The following SV2C variants were observed in gnomAD, a reference collection of about 807,000 sequenced individuals.
The protein encoded by SV2C is solute carrier family 22 member B3.
SV2C carries 49 observed loss-of-function variants against 79.7 expected under a neutral mutation model. That is an observed-to-expected ratio of 0.61 (90% confidence interval 0.49 to 0.78). The LOEUF (loss-of-function observed/expected upper bound fraction) is 0.78, where lower values mean the gene tolerates loss of function less well. Among genes scored for constraint, SV2C ranks in the 30% least tolerant of loss-of-function variants. SV2C has a pLI of 0.00. For synonymous variants in SV2C, 334 were observed against 333.2 expected, an observed-to-expected ratio of 1.00 and a Z score of -0.03; for missense variants, 833 against 912.9, an observed-to-expected ratio of 0.91 and a Z score of 1.13.
intron 4 of SV2C, among the ~76,000 whole-genome samples, chr5:76,252,439 A>G (rs1322777494): frequency 2.6e-5 from 4 of 152,032 alleles, no homozygotes; most frequent in African/African-American, 9.7e-5. Flanking sequence ...TACATTTAAG[A>G]AAGTCAATTT....
intron 12 of SV2C, among the ~76,000 whole-genome samples, chr5:76,320,445 C>T (rs1383526656): frequency 4.6e-5 from 7 of 152,096 alleles, no homozygotes; most frequent in East Asian, 1.9e-4. Context: ...CTAATAACAA[C>T]GTGTCAATAT....
chr5:75,854,762 C>T, the SV2C span, among the ~76,000 whole-genome samples: 1 of 152,224 alleles, frequency 6.6e-6, no homozygotes, highest in Non-Finnish European at 1.5e-5. Flanking sequence ...GTGCCTATTG[C>T]ATCCTAAGAA....
intron 2 of SV2C, among the ~76,000 whole-genome samples, chr5:76,148,858 A>G (rs7716284): frequency 0.41 from 62,190 of 151,944 alleles, 13,234 homozygotes; most frequent in Middle Eastern, 0.5. Context: ...TGGAGGGTTC[A>G]GGTCACATCT....
the SV2C span, among the ~76,000 whole-genome samples, chr5:75,868,329 C>A: frequency 1.3e-5 from 2 of 152,078 alleles, no homozygotes; most frequent in African/African-American, 4.8e-5. Flanking sequence ...TCCCACTGAC[C>A]ATTTATGAAG....
chr5:75,955,885 G>C, the SV2C span, among the ~76,000 whole-genome samples: 1 of 152,108 alleles, frequency 6.6e-6, no homozygotes, highest in African/African-American at 2.4e-5. Flanking sequence ...TCATTAAAAA[G>C]TCAGGAAACA....
At chr5:76,150,513 A>G (rs898624990) in intron 2 of SV2C, among the ~76,000 whole-genome samples, 2 of 151,976 alleles carry the variant, frequency 1.3e-5, no homozygotes, top group African/African-American at 4.8e-5. Context: ...TGAGATGAGC[A>G]GAGGTTAGAT....
intron 12 of SV2C, among the ~76,000 whole-genome samples, chr5:76,308,733 C>T (rs1272734299): frequency 1.3e-5 from 2 of 152,182 alleles, no homozygotes; most frequent in African/African-American, 2.4e-5. Context: ...AGCTCCCTAG[C>T]AGTTCTGCCT....
the SV2C span, among the ~76,000 whole-genome samples, chr5:75,937,715 C>CA: frequency 4.9e-4 from 75 of 151,784 alleles, 1 homozygote; most frequent in African/African-American, 1.7e-3. Context: ...TCTAAAGAAA[C>CA]AAAAAAACAA....
At chr5:76,090,633 C>T (rs1747344319) in intron 1 of SV2C, among the ~76,000 whole-genome samples, 1 of 152,112 alleles carries the variant, frequency 6.6e-6, no homozygotes, top group South Asian at 2.1e-4. Flanking sequence ...ATCCTCACTG[C>T]CATCACTGCT....
chr5:76,123,239 C>T (rs1001206921), intron 1 of SV2C, among the ~76,000 whole-genome samples: 3 of 152,134 alleles, frequency 2.0e-5, no homozygotes, highest in Admixed American at 2.0e-4. Flanking sequence ...TAATCAATAG[C>T]TTACCAACCA....
chr5:76,041,710 A>C, the SV2C span, among the ~76,000 whole-genome samples: 9 of 152,166 alleles, frequency 5.9e-5, no homozygotes, highest in Non-Finnish European at 1.5e-5. Flanking sequence ...GAGGAACTAA[A>C]TACTGGTTGT....
the SV2C span, among the ~76,000 whole-genome samples, chr5:75,932,043 AG>A: frequency 6.6e-6 from 1 of 152,126 alleles, no homozygotes; most frequent in Non-Finnish European, 1.5e-5. Flanking sequence ...CATCATTTGA[AG>A]GCTTCCCACG....
the SV2C span, among the ~76,000 whole-genome samples, chr5:75,853,062 A>C: frequency 6.6e-6 from 1 of 152,206 alleles, no homozygotes; most frequent in African/African-American, 2.4e-5. Context: ...AGAGGAAGTG[A>C]TAGAAATATA....
intron 4 of SV2C, among the ~76,000 whole-genome samples, chr5:76,213,329 T>C (rs1744823180): frequency 6.6e-6 from 1 of 152,262 alleles, no homozygotes; most frequent in Non-Finnish European, 1.5e-5. Flanking sequence ...AATCCTGTGC[T>C]GAGGCTTCTG....
intron 1 of SV2C, among the ~76,000 whole-genome samples, chr5:76,106,393 G>T (rs1747917371): frequency 6.6e-6 from 1 of 152,104 alleles, no homozygotes; most frequent in Non-Finnish European, 1.5e-5. Context: ...CCTGAGCATA[G>T]CAACCAGAGC....
At chr5:75,907,545 C>A in the SV2C span, among the ~76,000 whole-genome samples, 1 of 151,752 alleles carries the variant, frequency 6.6e-6, no homozygotes, top group Non-Finnish European at 1.5e-5. Flanking sequence ...AGAGAAGAGC[C>A]CATGAGAGAG....
At chr5:76,294,105 G>A (rs774865805) in intron 8 of SV2C, among the ~76,000 whole-genome samples, 1 of 152,138 alleles carries the variant, frequency 6.6e-6, no homozygotes, top group African/African-American at 2.4e-5. Context: ...GGTTTGTGGG[G>A]GATGATGATC....
the SV2C span, among the ~76,000 whole-genome samples, chr5:75,933,715 C>G: frequency 2.6e-5 from 4 of 152,180 alleles, no homozygotes; most frequent in African/African-American, 4.8e-5. Flanking sequence ...TGCTGCCATG[C>G]CTTCCTCCTC....
the SV2C span, among the ~76,000 whole-genome samples, chr5:75,861,899 C>T: frequency 1.3e-5 from 2 of 152,176 alleles, no homozygotes; most frequent in Non-Finnish European, 2.9e-5. Flanking sequence ...AGTTCAATCA[C>T]ACCCCAGACT....
Sources: gnomAD v4.1 joint callset for allele counts (sites outside exome capture counted in the v4.1 genomes callset) on GRCh38, gnomAD v4.1.1 for gene constraint, MANE v1.5 for transcripts, NCBI Gene and HGNC (gene_info 2026-07-23, HGNC 2026-07-21) for gene names.